Variants in CSE1L observed in about 807,000 individuals in gnomAD.
CSE1L encodes chromosome segregation 1 like.
CSE1L carries 24 observed loss-of-function variants against 120.4 expected under a neutral mutation model. The observed-to-expected ratio is 0.20, with a 90% CI of 0.14 to 0.28. The LOEUF is 0.28. Ranked by LOEUF, CSE1L falls within the 10% of genes least tolerant of loss-of-function variation. The pLI, the probability that CSE1L is intolerant of heterozygous loss-of-function variation, is 1.00. For synonymous variants in CSE1L, 402 were observed against 398.3 expected, an observed-to-expected ratio of 1.01 and a Z score of -0.11; for missense variants, 830 against 1,145.2, an observed-to-expected ratio of 0.72 and a Z score of 3.97.
chr20:49,064,268 T>C (rs905904263), intron 3 of CSE1L, among the ~76,000 whole-genome samples: 15 of 152,248 alleles, frequency 9.9e-5, no homozygotes, highest in Admixed American at 7.9e-4. Flanking sequence ...GTATTAGCAG[T>C]TGACAAAAAT....
chr20:49,089,226 G>GTTT, intron 17 of CSE1L, 21 bp from the exon 18 acceptor site: 2 of 1,321,612 alleles, frequency 1.5e-6, no homozygotes, highest in Admixed American at 2.6e-5. Flanking sequence ...GCATAATTAG[G>GTTT]TTTTTTTTTT....
At chr20:49,088,750 G>A (rs540290563) in intron 17 of CSE1L, among the ~76,000 whole-genome samples, 4 of 152,092 alleles carry the variant, frequency 2.6e-5, no homozygotes, top group Non-Finnish European at 2.9e-5. Flanking sequence ...GGGATGGAGC[G>A]GGGAGGGAAC....
chr20:49,047,451 GGGAAGTACCAACAT>G (rs566153732), intron 1 of CSE1L, among the ~76,000 whole-genome samples: 1 of 151,748 alleles, frequency 6.6e-6, no homozygotes, highest in African/African-American at 2.4e-5. Context: ...TTGTTTGCTG[GGGAAGTACCAACAT>G]TTTTGCAAGG....
At chr20:49,082,521 T>C (rs1261854182) in intron 14 of CSE1L, among the ~76,000 whole-genome samples, 1 of 152,192 alleles carries the variant, frequency 6.6e-6, no homozygotes, top group African/African-American at 2.4e-5. Flanking sequence ...CTTGTTTGTT[T>C]TGAGACGGAG....
intron 1 of CSE1L, among the ~76,000 whole-genome samples, chr20:49,050,058 A>G (rs1178959351): frequency 2.6e-5 from 4 of 152,194 alleles, no homozygotes; most frequent in South Asian, 2.1e-4. Flanking sequence ...TCTGGGATCT[A>G]TGTAGTATTT....
intron 2 of CSE1L, among the ~76,000 whole-genome samples, chr20:49,061,169 T>A (rs1462578025): frequency 1.2e-4 from 9 of 77,308 alleles, no homozygotes; most frequent in Admixed American, 6.6e-4. Context: ...TATTAAAAAT[T>A]TTTTTTTTTT....
In CSE1L at chr20:49,075,641, G is replaced by C; in HGVS notation, c.1335+121G>C. 4 of 783,268 alleles carry C rather than the reference G, an allele frequency of 5.1e-6. No individual in the cohort carries two copies. The South Asian group carries it at 7.3e-5, about 14-fold the overall frequency. 48.5% of individuals were successfully genotyped at this position (783,268 alleles called of 1,614,324 possible). ...CTGCCAGATAACCTATTCTGATTAAGATTTATATAATCTCTGAAGATGGCT... is the reference window on the plus strand; with the variant it reads ...CTGCCAGATAACCTATTCTGATTAACATTTATATAATCTCTGAAGATGGCT... On this transcript the variant is annotated intron_variant, in intron 12 of 24. Transcript: ENST00000262982.
In CSE1L at chr20:49,063,651, C is replaced by T. The variant is rs150949318; in HGVS notation, c.228+307C>T. On this transcript the variant is annotated intron_variant, in intron 3 of 24. Transcript: ENST00000262982. The stretch of plus-strand genomic sequence containing the variant: ...TTCATTTGAATTTATATAAATTTGT[C>T]CAGCTTCATACCTCGGGTTGCTAGG... Among the ~76,000 whole-genome samples, 46 of 152,278 alleles carry T rather than the reference C, an allele frequency of 3.0e-4. No individual in the cohort carries two copies. In the East Asian group the frequency reaches 8.9e-3, roughly 29 times the overall value.
At position 49,063,278 on chromosome 20, in the gene CSE1L, G is replaced by A. The variant is rs751097526; in HGVS notation, c.162G>A (p.Gln54=). Residue 54 remains glutamine, a synonymous_variant, in exon 3 of 25, where the codon CAG becomes CAA. Coordinates refer to ENST00000262982, the MANE Select transcript of CSE1L (RefSeq NM_001316.4). ...TTTTGACATTACTGGAGAAGTCCCA[G>A]GATAATGTTATCAAAGTATGTGCTT... The part of the protein sequence containing the change: ...LLLLTLLEKS[Q]DNVIKVCASV... 26 of 1,584,482 alleles carry A rather than the reference G, an allele frequency of 1.6e-5. No homozygotes were observed. The highest frequency in any genetic ancestry group is 2.1e-5 in the Non-Finnish European group (24 of 1,161,862).
intron 2 of CSE1L, among the ~76,000 whole-genome samples, chr20:49,060,159 T>C (rs1169338124): frequency 4.2e-5 from 6 of 143,082 alleles, no homozygotes; most frequent in African/African-American, 1.3e-4. Flanking sequence ...CACTCTAGCC[T>C]GGGTGACAGA....
At chr20:49,077,144 C>G in intron 13 of CSE1L, 80 bp downstream of exon 13, 1 of 726,784 alleles carries the variant, frequency 1.4e-6, no homozygotes, top group Non-Finnish European at 2.1e-6. Context: ...ATCCTTGTTC[C>G]CTTTTGTTCT....
rs2092074750 is a variant in CSE1L, at chr20:49,088,197, A to T, written c.1821+91A>T. 1.3e-5 allele frequency: 11 copies of T among 845,340 alleles called. No homozygotes were observed. In the South Asian group the frequency reaches 1.5e-4, roughly 12 times the overall value. 52.4% of individuals were successfully genotyped at this position (845,340 alleles called of 1,614,324 possible). On this transcript the variant is annotated intron_variant, in intron 17 of 24. Transcript: ENST00000262982. ...ACTCTTTGGCATTACGTGAAGCTTT[A>T]GAGAAGGTCTGTGAATTCTTCCTGA...
chr20:49,047,557 C>CTTTTT (rs1568757216), intron 1 of CSE1L, among the ~76,000 whole-genome samples: 1 of 98,312 alleles, frequency 1.0e-5, no homozygotes, highest in African/African-American at 4.6e-5. Context: ...TTTTTCTTTT[C>CTTTTT]TCTTTTCTTT....
Position 49,096,457 on chromosome 20 carries a change from G to T in CSE1L, c.*19G>T. On this transcript the variant is annotated 3_prime_UTR_variant, in exon 25 of 25. Transcript: ENST00000262982. ...GCTTTAAACTGCATTTTTCTAATGGGCTAAACCCAGATGGTTTCCTAGGAA... is the reference window on the plus strand; with the variant it reads ...GCTTTAAACTGCATTTTTCTAATGGTCTAAACCCAGATGGTTTCCTAGGAA... 1.3e-6 allele frequency: 2 copies of T among 1,572,228 alleles called. No homozygotes were observed. Among genetic ancestry groups the T allele is most frequent in the South Asian group, 2.2e-5 (2 of 90,272 alleles).
At chr20:49,065,586 A>T (rs866172223) in intron 3 of CSE1L, among the ~76,000 whole-genome samples, 1,670 of 76,336 alleles carry the variant, frequency 0.022, 49 homozygotes, top group African/African-American at 0.087. Context: ...TAAAATGGAA[A>T]TTTTTTTTTT....
chr20:49,077,458 C>A (rs2091978237), intron 13 of CSE1L, among the ~76,000 whole-genome samples: 1 of 152,106 alleles, frequency 6.6e-6, no homozygotes, highest in African/African-American at 2.4e-5. Flanking sequence ...CCATGCCCTG[C>A]CTATTATTTC....
chr20:49,088,694 T>A (rs2092078439), intron 17 of CSE1L, among the ~76,000 whole-genome samples: 1 of 152,152 alleles, frequency 6.6e-6, no homozygotes, highest in Admixed American at 6.6e-5. Flanking sequence ...TGATTATTAT[T>A]CAACTGAGTT....
In CSE1L at chr20:49,066,144, A is replaced by G. The variant is rs746016724; in HGVS notation, c.229-48A>G. On this transcript the variant is annotated intron_variant, in intron 3 of 24. Transcript: ENST00000262982. ...ATGTTTTACCTAAAATCATGTGGAC[A>G]TGAATGTGGATTTTGTGTTACTTCC... is the stretch of plus-strand genomic sequence containing the variant. 16 of 1,451,394 alleles carry G rather than the reference A, an allele frequency of 1.1e-5. No individual in the cohort carries two copies. In the East Asian group the frequency reaches 1.1e-4, roughly 10 times the overall value. The allele number at this position is 1,451,394 out of a possible 1,614,324, so 89.9% of individuals were successfully genotyped here. A position where few individuals can be genotyped will look rare whatever the true frequency, so the allele number is the denominator to read the frequency against.
chr20:49,087,060 T>G (rs1424678077), intron 16 of CSE1L, among the ~76,000 whole-genome samples: 1 of 152,192 alleles, frequency 6.6e-6, no homozygotes, highest in Non-Finnish European at 1.5e-5. Context: ...TTAGTAAACA[T>G]TTATTTTAGA....
Sources: allele counts gnomAD v4.1 joint callset (sites outside exome capture counted in the v4.1 genomes callset), GRCh38; gene constraint gnomAD v4.1.1; transcripts MANE v1.5; gene names NCBI Gene and HGNC (gene_info 2026-07-23, HGNC 2026-07-21).